The following TSPAN31 variants were observed in gnomAD, a reference collection of about 807,000 sequenced individuals.
TSPAN31 encodes tetraspanin-31.
A neutral mutation model predicts 24.8 loss-of-function variants in TSPAN31; 16 were observed. The ratio of observed to expected loss-of-function variants is 0.64; its 90% CI spans 0.44 to 0.98. The LOEUF (loss-of-function observed/expected upper bound fraction) is 0.98, where lower values mean the gene tolerates loss of function less well. Ranked by LOEUF, TSPAN31 falls within the 50% of genes least tolerant of loss-of-function variation. TSPAN31 has a pLI of 0.00. For missense variants in TSPAN31, 209 were observed against 251.6 expected, an observed-to-expected ratio of 0.83 and a Z score of 1.15; for synonymous variants, 87 against 91.4, an observed-to-expected ratio of 0.95 and a Z score of 0.27.
In TSPAN31 at chr12:57,749,364, A is replaced by G. The variant is rs746254804; in HGVS notation, c.*2074A>G. ...TGGTCAGGAGGGTCCTCCAGTTCCCATCCCCATGGGCAGAGCCAGTTGCCA... is the reference window on the plus strand; with the variant it reads ...TGGTCAGGAGGGTCCTCCAGTTCCCGTCCCCATGGGCAGAGCCAGTTGCCA... On this transcript the variant is annotated 3_prime_UTR_variant, in exon 6 of 6. Transcript: ENST00000257910. 6.3e-5 allele frequency: 102 copies of G among 1,613,842 alleles called. No individual in the cohort carries two copies. Among genetic ancestry groups the G allele is most frequent in the Non-Finnish European group, 8.4e-5 (99 of 1,179,836 alleles).
chr12:57,745,668 TC>T, intron 1 of TSPAN31, 76 bp from the exon 2 acceptor site: 1 of 1,555,726 alleles, frequency 6.4e-7, no homozygotes, highest in Non-Finnish European at 8.8e-7. Context: ...CCTGCCCCGC[TC>T]CCAAGTCCTC....
chr12:57,745,518 T>G (rs1955136448), intron 1 of TSPAN31: 1 of 619,262 alleles, frequency 1.6e-6, no homozygotes, highest in Admixed American at 3.0e-5. Context: ...GGGTTCATCT[T>G]TTGCATTCAT....
intron 3 of TSPAN31, 136 bp from the exon 4 acceptor site, chr12:57,746,453 A>G (rs772840633): frequency 8.1e-7 from 1 of 1,237,980 alleles, no homozygotes; most frequent in South Asian, 1.2e-5. Flanking sequence ...CAAAAGGTAG[A>G]TATTTATCGT....
At position 57,745,932 on chromosome 12, in the gene TSPAN31, T is replaced by TG. The variant is rs1166361753; in HGVS notation, c.231+25dup. On this transcript the variant is annotated intron_variant, in intron 2 of 5. Coordinates refer to ENST00000257910, the MANE Select transcript of TSPAN31 (RefSeq NM_005981.5). ...TTCTTTGTATCCTGACCTGAAGTGA[T>TG]GGGGGCAACCGGGGGCTTGGGAGGG... The TG allele has an allele frequency of 7.6e-6, 12 of 1,581,138 alleles. No homozygotes were observed. The East Asian group carries it at 2.5e-4, about 32-fold the overall frequency.
At chr12:57,746,392 C>T (rs757692297) in intron 3 of TSPAN31, 136 bp downstream of exon 3, 1 of 1,139,274 alleles carries the variant, frequency 8.8e-7, no homozygotes, top group African/African-American at 1.5e-5. Flanking sequence ...GGGCTATTTG[C>T]TTCCTCTGGG....
chr12:57,747,149 C>T lies in TSPAN31; in HGVS notation c.558+18C>T, dbSNP rs1261143227. On this transcript the variant is annotated intron_variant, in intron 5 of 5. Coordinates refer to ENST00000257910, the MANE Select transcript of TSPAN31 (RefSeq NM_005981.5). ...TTACAGAGGTAACATTCTCCAGTTCCCTCACACACATCCTTTTTGAGACTG... is the reference window on the plus strand; with the variant it reads ...TTACAGAGGTAACATTCTCCAGTTCTCTCACACACATCCTTTTTGAGACTG... The T allele has an allele frequency of 5.0e-6, 8 of 1,612,508 alleles. No homozygotes were observed. Among genetic ancestry groups the T allele is most frequent in the East Asian group, 2.2e-5 (1 of 44,882 alleles).
In TSPAN31 at chr12:57,748,708, C is replaced by CA; in HGVS notation, c.*1418_*1419insA. On this transcript the variant is annotated 3_prime_UTR_variant, in exon 6 of 6. Coordinates refer to ENST00000257910, the MANE Select transcript of TSPAN31 (RefSeq NM_005981.5). ...CCTGGGATGAGCTTTCTTCTTTTTT[C>CA]TTTTTTTTTTTTTTTGAGACGGAGT... 1.4e-6 allele frequency: 1 copy of CA among 693,630 alleles called. No homozygotes were observed. The highest frequency in any genetic ancestry group is 2.5e-6 in the Non-Finnish European group (1 of 403,556). The allele number at this position is 693,630 out of a possible 1,614,324, so 43.0% of individuals were successfully genotyped here.
rs773791229 is a variant in TSPAN31 at position 57,746,173 on chromosome 12, C to T, written c.232-3C>T. 7.4e-6 allele frequency: 12 copies of T among 1,613,330 alleles called. No individual in the cohort carries two copies. Among genetic ancestry groups the T allele is most frequent in the Middle Eastern group, 3.3e-4 (2 of 6,062 alleles). ...GACTTTTTTCCATAACCTTTCCTCT[C>T]AGTACATGATCATCCTTGGTTTGGT... On this transcript the variant is annotated splice_region_variant and splice_polypyrimidine_tract_variant and intron_variant, in intron 2 of 5. Transcript: ENST00000257910.
chr12:57,745,294 G>C (rs1279799518), intron 1 of TSPAN31, 77 bp downstream of exon 1: 21 of 1,506,180 alleles, frequency 1.4e-5, no homozygotes, highest in Non-Finnish European at 1.9e-5. Flanking sequence ...TTCCGGTGGG[G>C]AGAGGGGTGT....
chr12:57,746,094 C>A, intron 2 of TSPAN31, 82 bp from the exon 3 acceptor site: 1 of 1,466,002 alleles, frequency 6.8e-7, no homozygotes, highest in Non-Finnish European at 9.5e-7. Context: ...GGTGTAAGTT[C>A]TATGAACAGA....
chr12:57,746,027 C>G lies in TSPAN31; in HGVS notation c.231+115C>G, dbSNP rs534739985. The G allele has an allele frequency of 3.1e-5, 46 of 1,463,584 alleles. No homozygotes were observed. In the South Asian group the frequency reaches 5.7e-4, roughly 18 times the overall value. The allele number at this position is 1,463,584 out of a possible 1,614,324, so 90.7% of individuals were successfully genotyped here. On this transcript the variant is annotated intron_variant, in intron 2 of 5. Transcript: ENST00000257910. ...TCTTGGACACGTCTCCTTGCCCTGC[C>G]CTGTCCCATAATCTACGAAACAAGA... is the stretch of plus-strand genomic sequence containing the variant.
At chr12:57,746,913 G>T in intron 4 of TSPAN31, 105 bp from the exon 5 acceptor site, 1 of 1,354,874 alleles carries the variant, frequency 7.4e-7, no homozygotes, top group South Asian at 1.3e-5. Flanking sequence ...TAGTTTGTAG[G>T]ACACTGGTCA....
In TSPAN31 at chr12:57,745,546, C is replaced by A. The variant is rs1001436631; in HGVS notation, c.64-199C>A. 7.6e-6 allele frequency: 5 copies of A among 655,680 alleles called. No individual in the cohort carries two copies. In the African/African-American group the frequency reaches 9.1e-5, roughly 12 times the overall value. The allele number at this position is 655,680 out of a possible 1,614,324, so 40.6% of individuals were successfully genotyped here. A position where few individuals can be genotyped will look rare whatever the true frequency, so the allele number is the denominator to read the frequency against. On this transcript the variant is annotated intron_variant, in intron 1 of 5. Transcript: ENST00000257910. The stretch of plus-strand genomic sequence containing the variant: ...GCATTCATACTACCATCCCTGCCAC[C>A]CCCTCCCCGCCATCCTAGCCATTCT...
intron 4 of TSPAN31, 32 bp from the exon 5 acceptor site, chr12:57,746,986 A>AAAGTGACATTACAAAGTCACTAG (rs1955162957): frequency 1.3e-6 from 2 of 1,590,080 alleles, no homozygotes; most frequent in Non-Finnish European, 1.7e-6. Context: ...CTTTACATTC[A>AAAGTGACATTACAAAGTCACTAG]CAACTTTGCA....
In TSPAN31 at chr12:57,749,678, G is replaced by A. The variant is rs1321534567; in HGVS notation, c.*2388G>A. ...GCCCAGGAGTTCTAGATCAGCCTGG[G>A]CAAGCAAGACCTTGTCTCTTTTTTT... On this transcript the variant is annotated 3_prime_UTR_variant, in exon 6 of 6. Coordinates refer to ENST00000257910, the MANE Select transcript of TSPAN31 (RefSeq NM_005981.5). 9 of 686,596 alleles carry A rather than the reference G, an allele frequency of 1.3e-5. No individual in the cohort carries two copies. The highest frequency in any genetic ancestry group is 2.4e-5 in the Non-Finnish European group (9 of 380,860). The allele number at this position is 686,596 out of a possible 1,614,324, so 42.5% of individuals were successfully genotyped here. A position where few individuals can be genotyped will look rare whatever the true frequency, so the allele number is the denominator to read the frequency against.
chr12:57,745,068 G>A lies in TSPAN31; in HGVS notation c.-87G>A, dbSNP rs1246237434. ...GGTTTGGCTGGCCTCGATTTAAAGA[G>A]ACAGAAGCTGTCGGGGTCCTGGAAG... On this transcript the variant is annotated 5_prime_UTR_variant, in exon 1 of 6. Transcript: ENST00000257910. 9.9e-6 allele frequency: 13 copies of A among 1,309,718 alleles called. No individual in the cohort carries two copies. Among genetic ancestry groups the A allele is most frequent in the South Asian group, 2.5e-5 (2 of 79,048 alleles). 81.1% of individuals were successfully genotyped at this position (1,309,718 alleles called of 1,614,324 possible). A position where few individuals can be genotyped will look rare whatever the true frequency, so the allele number is the denominator to read the frequency against.
intron 2 of TSPAN31, 126 bp from the exon 3 acceptor site, chr12:57,746,048 CAA>C (rs1955144887): frequency 3.5e-6 from 5 of 1,446,448 alleles, no homozygotes; most frequent in African/African-American, 1.4e-5. Context: ...ATCTACGAAA[CAA>C]GAGCTGATTT....
Position 57,749,127 on chromosome 12 carries a change from T to A in TSPAN31, c.*1837T>A. On this transcript the variant is annotated 3_prime_UTR_variant, in exon 6 of 6. Coordinates refer to ENST00000257910, the MANE Select transcript of TSPAN31 (RefSeq NM_005981.5). ...GTGGCCAGGGCCCTGCATACTGCTC[T>A]ATTTCTTTCCCCAGTCTCTATTTCT... 6.2e-7 allele frequency: 1 copy of A among 1,610,850 alleles called. No homozygotes were observed. Among genetic ancestry groups the A allele is most frequent in the Non-Finnish European group, 8.5e-7 (1 of 1,176,982 alleles).
chr12:57,746,488 T>A, intron 3 of TSPAN31, 101 bp from the exon 4 acceptor site: 4 of 1,426,724 alleles, frequency 2.8e-6, no homozygotes, highest in Non-Finnish European at 3.9e-6. Flanking sequence ...CACACCGTTA[T>A]GCTTCTGTTT....
Sources: gnomAD v4.1 joint callset for allele counts on GRCh38, gnomAD v4.1.1 for gene constraint, MANE v1.5 for transcripts, NCBI Gene and HGNC (gene_info 2026-07-23, HGNC 2026-07-21) for gene names.